CHN2: variants seen among roughly 807,000 people sequenced by gnomAD.
CHN2 encodes chimerin 2, also known as beta-chimaerin.
In CHN2, 35 loss-of-function variants were observed where a neutral mutation model predicts 56.3. The ratio of observed to expected loss-of-function variants is 0.62; its 90% CI spans 0.47 to 0.82. The LOEUF is 0.82. Ranked by LOEUF, CHN2 falls within the 40% of genes least tolerant of loss-of-function variation. The probability of loss-of-function intolerance (pLI) is 0.00; values close to 1 mark genes in which losing one functional copy is unlikely to be tolerated. For missense variants in CHN2, 491 were observed against 580.5 expected, an observed-to-expected ratio of 0.85 and a Z score of 1.58; for synonymous variants, 210 against 212.8, an observed-to-expected ratio of 0.99 and a Z score of 0.12.
At chr7:29,298,212 C>T (rs1793345395) in intron 1 of CHN2, among the ~76,000 whole-genome samples, 1 of 152,206 alleles carries the variant, frequency 6.6e-6, no homozygotes, top group Non-Finnish European at 1.5e-5. Context: ...AGTAGCACCA[C>T]CCTTATTTAT....
intron 3 of CHN2, among the ~76,000 whole-genome samples, chr7:29,375,776 A>G (rs899981317): frequency 6.6e-6 from 1 of 152,116 alleles, no homozygotes; most frequent in African/African-American, 2.4e-5. Context: ...TTACTCATCC[A>G]AACACAGAGC....
intron 1 of CHN2, among the ~76,000 whole-genome samples, chr7:29,236,353 C>T (rs1787196150): frequency 6.6e-6 from 1 of 152,220 alleles, no homozygotes; most frequent in African/African-American, 2.4e-5. Flanking sequence ...GTGAGATCAT[C>T]CCAGGCCTGG....
At chr7:29,496,078 C>T in intron 8 of CHN2, 42 bp downstream of exon 8, 1 of 1,508,164 alleles carries the variant, frequency 6.6e-7, no homozygotes, top group Non-Finnish European at 9.2e-7. Flanking sequence ...TATGAAATGC[C>T]ACTGTGCTGA....
intron 2 of CHN2, among the ~76,000 whole-genome samples, chr7:29,366,556 A>T (rs536863564): frequency 2.6e-4 from 40 of 152,148 alleles, no homozygotes; most frequent in Non-Finnish European, 5.0e-4. Context: ...GTATTGGTTC[A>T]TTGGGATCTG....
At chr7:29,407,000 C>G (rs574560285) in intron 6 of CHN2, among the ~76,000 whole-genome samples, 23 of 152,304 alleles carry the variant, frequency 1.5e-4, no homozygotes, top group African/African-American at 5.1e-4. Context: ...CAGCGTATCT[C>G]AAATTCACCA....
chr7:29,278,956 C>G (rs778194962), intron 1 of CHN2, among the ~76,000 whole-genome samples: 11 of 152,006 alleles, frequency 7.2e-5, no homozygotes, highest in Non-Finnish European at 1.6e-4. Flanking sequence ...CCCCCCAGGC[C>G]TGTCTCCCTC....
chr7:29,220,515 A>G (rs1718649651), intron 1 of CHN2, among the ~76,000 whole-genome samples: 1 of 152,156 alleles, frequency 6.6e-6, no homozygotes, highest in Non-Finnish European at 1.5e-5. Context: ...ATAAGATACT[A>G]TGATCAATTT....
intron 2 of CHN2, among the ~76,000 whole-genome samples, chr7:29,173,798 G>A (rs180997031): frequency 6.6e-6 from 1 of 150,828 alleles, no homozygotes; most frequent in African/African-American, 2.4e-5. Flanking sequence ...AAAATTAGTC[G>A]AGTGTGGTGG....
chr7:29,485,185 T>C (rs1396138377), intron 7 of CHN2, among the ~76,000 whole-genome samples: 1 of 152,238 alleles, frequency 6.6e-6, no homozygotes, highest in Non-Finnish European at 1.5e-5. Context: ...GTATGTGTTA[T>C]ACTTTATAAT....
intron 1 of CHN2, among the ~76,000 whole-genome samples, chr7:29,316,116 T>G (rs1174888419): frequency 1.3e-5 from 2 of 152,188 alleles, no homozygotes; most frequent in African/African-American, 2.4e-5. Flanking sequence ...CCATGTGAAC[T>G]CCACACCTCT....
chr7:29,252,211 G>A (rs1047182748), intron 1 of CHN2, among the ~76,000 whole-genome samples: 6 of 52,762 alleles, frequency 1.1e-4, no homozygotes, highest in Admixed American at 1.1e-3. Flanking sequence ...TTTTTTTTTA[G>A]ACAGTCTTGC....
Position 29,400,675 on chromosome 7 carries a change from C to A in CHN2, c.423C>A (p.Ala141=). The A allele has an allele frequency of 6.2e-7, 1 of 1,614,052 alleles. No homozygotes were observed. The highest frequency in any genetic ancestry group is 8.5e-7 in the Non-Finnish European group (1 of 1,180,030). ...LITLYIETKA[A]EYISKMTTNP... is the part of the protein sequence containing the mutation. Reference sequence around the variant, plus strand: ...CACTGTACATAGAAACAAAAGCTGCCGAGTACATTTCAAAAATGACAACTA... The same window carrying A: ...CACTGTACATAGAAACAAAAGCTGCAGAGTACATTTCAAAAATGACAACTA... Residue 141 remains alanine (A), a synonymous_variant, in exon 6 of 13, where the codon GCC becomes GCA. Transcript: ENST00000222792.
chr7:29,262,159 C>T lies in CHN2; in HGVS notation c.49+67169C>T, dbSNP rs370661391. Reference sequence around the variant, plus strand: ...TTCCAGCCTGGGTGACAGAGCCAGACTCAGCCTCAAAAAACAAACAACAAC... The same window carrying T: ...TTCCAGCCTGGGTGACAGAGCCAGATTCAGCCTCAAAAAACAAACAACAAC... On this transcript the variant is annotated intron_variant, in intron 1 of 12. Coordinates refer to ENST00000222792, the MANE Select transcript of CHN2 (RefSeq NM_004067.4). Among the ~76,000 whole-genome samples the T allele has an allele frequency of 2.8e-4, 43 of 152,234 alleles. No individual in the cohort carries two copies. In the East Asian group the frequency reaches 7.9e-3, roughly 28 times the overall value.
At chr7:29,329,879 C>G (rs901639836) in intron 1 of CHN2, among the ~76,000 whole-genome samples, 1 of 152,202 alleles carries the variant, frequency 6.6e-6, no homozygotes, top group African/African-American at 2.4e-5. Context: ...CTTGAGGAAT[C>G]TAGATGACAG....
chr7:29,194,903 C>G lies in CHN2; in HGVS notation c.-39C>G. 6.6e-7 allele frequency: 1 copy of G among 1,505,432 alleles called. No individual in the cohort carries two copies. The highest frequency in any genetic ancestry group is 8.8e-7 in the Non-Finnish European group (1 of 1,131,164). The allele number at this position is 1,505,432 out of a possible 1,614,324, so 93.3% of individuals were successfully genotyped here. ...GAGGGCAGCGGCGGCGGCGTCCGCA[C>G]CGGGGCTGAGCGAGCAGCGACGCGA... On this transcript the variant is annotated 5_prime_UTR_variant, in exon 1 of 13. Coordinates refer to ENST00000222792, the MANE Select transcript of CHN2 (RefSeq NM_004067.4).
chr7:29,266,287 T>C (rs2391745), intron 1 of CHN2, among the ~76,000 whole-genome samples: 19,366 of 152,208 alleles, frequency 0.13, 1,626 homozygotes, highest in East Asian at 0.32. Flanking sequence ...CCCTCCTCCC[T>C]CTTCTTCATT....
intron 1 of CHN2, among the ~76,000 whole-genome samples, chr7:29,239,115 G>A (rs1787442050): frequency 6.6e-6 from 1 of 152,192 alleles, no homozygotes; most frequent in Admixed American, 6.5e-5. Context: ...GCAGAATTAG[G>A]TGCAGCATTT....
chr7:29,271,590 T>C (rs1284124285), intron 1 of CHN2, among the ~76,000 whole-genome samples: 2 of 152,178 alleles, frequency 1.3e-5, no homozygotes, highest in Non-Finnish European at 2.9e-5. Flanking sequence ...GTGCTTGCTG[T>C]TCAGGTTGAA....
intron 2 of CHN2, among the ~76,000 whole-genome samples, chr7:29,172,346 G>C (rs190718253): frequency 6.6e-6 from 1 of 152,298 alleles, no homozygotes; most frequent in East Asian, 1.9e-4. Context: ...CAGGAACATT[G>C]TGACTTCTAC....
Sources: allele counts gnomAD v4.1 joint callset (sites outside exome capture counted in the v4.1 genomes callset), GRCh38; gene constraint gnomAD v4.1.1; transcripts MANE v1.5; gene names NCBI Gene and HGNC (gene_info 2026-07-23, HGNC 2026-07-21).